Variants in ANO4 observed in about 807,000 individuals in gnomAD.
The protein encoded by ANO4 is anoctamin-4.
A neutral mutation model predicts 141.9 loss-of-function variants in ANO4; 69 were observed. The observed-to-expected ratio is 0.49, with a 90% CI of 0.40 to 0.59. The LOEUF is 0.59. Among genes scored for constraint, ANO4 ranks in the 20% least tolerant of loss-of-function variants. The pLI is 0.00. For synonymous variants in ANO4, 350 were observed against 394.3 expected (o/e 0.89, Z 1.33); for missense variants, 894 against 1,162.2 (o/e 0.77, Z 3.36).
At chr12:100,893,504 G>A (rs534939790) in intron 1 of ANO4, among the ~76,000 whole-genome samples, 2 of 152,170 alleles carry the variant, frequency 1.3e-5, no homozygotes, top group African/African-American at 4.8e-5. Flanking sequence ...TTTGTTCTTA[G>A]TGTCTCCTTC....
chr12:100,753,553 C>T (rs1215799882), intron 3 of ANO4, among the ~76,000 whole-genome samples: 1 of 152,108 alleles, frequency 6.6e-6, no homozygotes, highest in Non-Finnish European at 1.5e-5. Context: ...TTTAGGAAGG[C>T]AGACACTTGC....
At chr12:100,760,166 T>C (rs1346809398) in intron 3 of ANO4, among the ~76,000 whole-genome samples, 1 of 152,212 alleles carries the variant, frequency 6.6e-6, no homozygotes, top group Non-Finnish European at 1.5e-5. Flanking sequence ...AAAGGAACAC[T>C]GGACTTCAGC....
intron 3 of ANO4, among the ~76,000 whole-genome samples, chr12:100,778,272 G>A (rs2033600058): frequency 6.6e-6 from 1 of 152,172 alleles, no homozygotes; most frequent in Non-Finnish European, 1.5e-5. Context: ...GCCATAGGAA[G>A]AGTTTCAGTG....
At chr12:100,735,865 G>A (rs2051077152) in intron 2 of ANO4, among the ~76,000 whole-genome samples, 1 of 152,180 alleles carries the variant, frequency 6.6e-6, no homozygotes, top group Non-Finnish European at 1.5e-5. Context: ...TGGAGAACAT[G>A]TTCAGGAGAT....
At chr12:100,923,014 G>A (rs1238358561) in intron 3 of ANO4, among the ~76,000 whole-genome samples, 2 of 152,094 alleles carry the variant, frequency 1.3e-5, no homozygotes, top group African/African-American at 2.4e-5. Context: ...AGATGATGAA[G>A]CTCCTCTTAA....
intron 1 of ANO4, among the ~76,000 whole-genome samples, chr12:100,852,178 C>T (rs866635857): frequency 6.6e-6 from 1 of 152,166 alleles, no homozygotes; most frequent in Non-Finnish European, 1.5e-5. Context: ...CCTATGTATA[C>T]CCTCCTTCCT....
rs1491512660 is a variant in ANO4 at position 100,926,601 on chromosome 12, T to TG, written c.160+4271_160+4272insG. Reference sequence around the variant, plus strand: ...CATGTGAAAGTATAACAAGGGTGTGTTTGTGTGTGTGTGTGTGTGTGTGTG... The same window carrying TG: ...CATGTGAAAGTATAACAAGGGTGTGTGTTGTGTGTGTGTGTGTGTGTGTGTG... On this transcript the variant is annotated intron_variant, in intron 3 of 27. Transcript: ENST00000392977. Among the ~76,000 whole-genome samples, 25 of 149,586 alleles carry TG rather than the reference T, an allele frequency of 1.7e-4. 1 individual carries two copies. Among genetic ancestry groups the TG allele is most frequent in the African/African-American group, 6.2e-4 (25 of 40,200 alleles).
intron 13 of ANO4, among the ~76,000 whole-genome samples, chr12:101,046,381 G>C (rs574267199): frequency 1.3e-5 from 2 of 152,296 alleles, no homozygotes; most frequent in East Asian, 3.9e-4. Flanking sequence ...TTCTGAGGGA[G>C]GGGAAACTAA....
chr12:101,027,552 C>G (rs533146475), intron 9 of ANO4, among the ~76,000 whole-genome samples: 2 of 147,960 alleles, frequency 1.4e-5, no homozygotes, highest in African/African-American at 5.3e-5. Context: ...GGCTTGGTCC[C>G]CAAGAGTGGT....
intron 13 of ANO4, 178 bp from the exon 14 acceptor site, chr12:101,048,163 C>T: frequency 4.0e-6 from 4 of 1,011,866 alleles, no homozygotes; most frequent in South Asian, 1.9e-5. Flanking sequence ...TATGAACTAC[C>T]TTGCAATTAG....
At chr12:100,813,584 TG>T (rs1432816782) in intron 1 of ANO4, among the ~76,000 whole-genome samples, 3 of 152,164 alleles carry the variant, frequency 2.0e-5, no homozygotes, top group Non-Finnish European at 4.4e-5. Flanking sequence ...CAGAGAAGTA[TG>T]GTAGTGTGAA....
At chr12:101,118,448 A>T (rs1324753887) in intron 25 of ANO4, among the ~76,000 whole-genome samples, 1 of 152,236 alleles carries the variant, frequency 6.6e-6, no homozygotes, top group Non-Finnish European at 1.5e-5. Flanking sequence ...CAAAGAAAAC[A>T]TTTTAAAATT....
At chr12:100,821,417 G>C (rs1013666481) in intron 1 of ANO4, among the ~76,000 whole-genome samples, 1 of 151,844 alleles carries the variant, frequency 6.6e-6, no homozygotes, top group Non-Finnish European at 1.5e-5. Context: ...GCAATATATG[G>C]TTATTATTAA....
rs1350672891 is a variant in ANO4, at chr12:101,096,590, T to C, written c.1793T>C (p.Leu598Pro). ...AACAGCTTCACCCTGAAAATGTTTC[T>C]TTTTCAGTTTGTCAATCTGAACAGC... ...WENSFTLKMF[L>P]FQFVNLNSST... The change falls in exon 19 of 28, where the codon CTT (leucine) becomes CCT (proline). Residue 598 changes from leucine (L) to proline (P), a missense_variant. Leu to Pro is a moderately conservative substitution (Grantham distance 98). This residue lies in a region of ANO4 where 637 missense variants were observed against 909.2 expected (regional missense o/e 0.70). Coordinates refer to ENST00000392977, the MANE Select transcript of ANO4 (RefSeq NM_001286615.2). 6.2e-7 allele frequency: 1 copy of C among 1,613,494 alleles called. No individual in the cohort carries two copies. The highest frequency in any genetic ancestry group is 8.5e-7 in the Non-Finnish European group (1 of 1,179,668).
intron 1 of ANO4, among the ~76,000 whole-genome samples, chr12:100,837,020 T>G (rs760848953): frequency 6.6e-6 from 1 of 152,032 alleles, no homozygotes; most frequent in Non-Finnish European, 1.5e-5. Flanking sequence ...GACAAGACAT[T>G]AGAGAAAAGC....
intron 14 of ANO4, among the ~76,000 whole-genome samples, chr12:101,056,603 T>G (rs2048129077): frequency 6.6e-6 from 1 of 152,100 alleles, no homozygotes; most frequent in Non-Finnish European, 1.5e-5. Context: ...CTTATACTGG[T>G]TAGGACCTCC....
At chr12:100,760,714 T>C (rs1398105026) in intron 3 of ANO4, among the ~76,000 whole-genome samples, 1 of 152,210 alleles carries the variant, frequency 6.6e-6, no homozygotes, top group Non-Finnish European at 1.5e-5. Context: ...GTTACACCCA[T>C]GTCAGTTTGC....
At chr12:100,849,046 C>T (rs184053949) in intron 1 of ANO4, among the ~76,000 whole-genome samples, 1 of 152,134 alleles carries the variant, frequency 6.6e-6, no homozygotes, top group African/African-American at 2.4e-5. Flanking sequence ...GCCTCGTGCA[C>T]GTGTTAGCAT....
Position 101,111,674 on chromosome 12 carries a change from A to G in ANO4, c.2414A>G (p.Tyr805Cys). 6.2e-7 allele frequency: 1 copy of G among 1,611,612 alleles called. No individual in the cohort carries two copies. Among genetic ancestry groups the G allele is most frequent in the Non-Finnish European group, 8.5e-7 (1 of 1,178,954 alleles). Reference sequence around the variant, plus strand: ...CCTCGCTTGGTGTATGCTTATAAGTATGGACCTTGTGCAGGCCAAGGAGAA... The same window carrying G: ...CCTCGCTTGGTGTATGCTTATAAGTGTGGACCTTGTGCAGGCCAAGGAGAA... ...FIPRLVYAYKYGPCAGQGEAG... is the reference protein window; with the variant it reads ...FIPRLVYAYKCGPCAGQGEAG... Residue 805 changes from tyrosine to cysteine, a missense_variant, in exon 24 of 28, where the codon TAT (tyrosine) becomes TGT (cysteine). Tyr to Cys is a radical substitution (Grantham distance 194). Transcript: ENST00000392977.
Sources: allele counts gnomAD v4.1 joint callset (sites outside exome capture counted in the v4.1 genomes callset), GRCh38; gene constraint gnomAD v4.1.1; regional missense constraint gnomAD v4.1.1; transcripts MANE v1.5; gene names NCBI Gene and HGNC (gene_info 2026-07-23, HGNC 2026-07-21).